The following CFAP58 variants were observed in gnomAD, a reference collection of about 807,000 sequenced individuals.
CFAP58 encodes the protein cilia- and flagella-associated protein 58.
CFAP58 carries 88 observed loss-of-function variants against 119.5 expected under a neutral mutation model. That is an observed-to-expected ratio of 0.74 (90% CI 0.62 to 0.88). The LOEUF (loss-of-function observed/expected upper bound fraction) is 0.88. Among genes scored for constraint, CFAP58 ranks in the 40% least tolerant of loss-of-function variants. CFAP58 has a pLI of 0.00. For synonymous variants in CFAP58, 365 were observed against 366.3 expected (o/e 1.00, Z 0.04); for missense variants, 990 against 1,021.2 (o/e 0.97, Z 0.42).
chr10:104,414,695 A>T (rs2012519198), intron 15 of CFAP58, among the ~76,000 whole-genome samples: 1 of 151,968 alleles, frequency 6.6e-6, no homozygotes, highest in Admixed American at 6.6e-5. Flanking sequence ...TTTGAGACGG[A>T]TTCTTGCTCT....
At position 104,454,659 on chromosome 10, in the gene CFAP58, C is replaced by G; in HGVS notation, c.*129C>G. ...ATCCAGGATGGAAAGAAATGCAGAA[C>G]TATCATAGTCACATACATATAAGAG... On this transcript the variant is annotated 3_prime_UTR_variant, in exon 18 of 18. Transcript: ENST00000369704. 1 of 679,840 alleles carries G rather than the reference C, an allele frequency of 1.5e-6. No homozygotes were observed. 42.1% of individuals were successfully genotyped at this position (679,840 alleles called of 1,614,324 possible). A position where few individuals can be genotyped will look rare whatever the true frequency, so the allele number is the denominator to read the frequency against.
chr10:104,357,794 T>TATACACACACATATACATATATGTAC (rs2014564106), intron 1 of CFAP58, among the ~76,000 whole-genome samples: 1 of 140,834 alleles, frequency 7.1e-6, no homozygotes, highest in African/African-American at 2.9e-5. Flanking sequence ...TTTATATACA[T>TATACACACACATATACATATATGTAC]ATATATACAC....
At chr10:104,393,555 C>CA in intron 11 of CFAP58, 80 bp downstream of exon 11, 1 of 1,409,472 alleles carries the variant, frequency 7.1e-7, no homozygotes, top group Non-Finnish European at 9.6e-7. Flanking sequence ...TGAAGGCAGC[C>CA]AGGGGCAGGG....
At chr10:104,348,977 T>C (rs1308430433), upstream of CFAP58, among the ~76,000 whole-genome samples, 2 of 152,342 alleles carry the variant, frequency 1.3e-5, no homozygotes, top group East Asian at 3.9e-4. Flanking sequence ...CCAGGTGTGG[T>C]GGCTCACACC....
chr10:104,380,742 A>T (rs2011774500), intron 9 of CFAP58, among the ~76,000 whole-genome samples: 1 of 152,232 alleles, frequency 6.6e-6, no homozygotes, highest in Non-Finnish European at 1.5e-5. Flanking sequence ...GAACTCCTGC[A>T]ATCTCAGCAC....
chr10:104,369,265 TA>T (rs1370402859), intron 6 of CFAP58, among the ~76,000 whole-genome samples: 1 of 152,164 alleles, frequency 6.6e-6, no homozygotes, highest in Non-Finnish European at 1.5e-5. Context: ...CAGAGAACCA[TA>T]ACATTTTTAT....
chr10:104,381,863 T>C (rs1195380373), intron 9 of CFAP58, among the ~76,000 whole-genome samples: 1 of 152,176 alleles, frequency 6.6e-6, no homozygotes, highest in Non-Finnish European at 1.5e-5. Flanking sequence ...TTGGGAGCCA[T>C]TGGAGCAGAG....
rs2014573341 is a variant in CFAP58, at chr10:104,357,845, G to GTACATATA, written c.10-492_10-491insTATATACA. Among the ~76,000 whole-genome samples the GTACATATA allele has an allele frequency of 1.6e-4, 15 of 91,502 alleles. 1 individual carries two copies. The highest frequency in any genetic ancestry group is 3.0e-4 in the Non-Finnish European group (14 of 47,242). The allele number at this position is 91,502 out of a possible 152,430, so 60.0% of individuals were successfully genotyped here. A position where few individuals can be genotyped will look rare whatever the true frequency, so the allele number is the denominator to read the frequency against. On this transcript the variant is annotated intron_variant, in intron 1 of 17. Transcript: ENST00000369704. Reference sequence around the variant, plus strand: ...TATATACACATATATGTACACATATGTACACATATATACACATATATACAC... The same window carrying GTACATATA: ...TATATACACATATATGTACACATATGTACATATATACACATATATACACATATATACAC...
the CFAP58 span, among the ~76,000 whole-genome samples, chr10:104,344,885 C>A: frequency 6.6e-6 from 1 of 152,006 alleles, no homozygotes; most frequent in Admixed American, 6.5e-5. Context: ...TGGTGGCTCA[C>A]GCCTGTAATC....
chr10:104,393,280 A>T (rs4614364), intron 10 of CFAP58, 49 bp from the exon 11 acceptor site: 4 of 1,553,424 alleles, frequency 2.6e-6, no homozygotes, highest in Non-Finnish European at 2.6e-6. Context: ...TTCCATAGGG[A>T]CGATGATGTC....
chr10:104,384,056 G>A (rs533111524), intron 9 of CFAP58, among the ~76,000 whole-genome samples: 296 of 152,208 alleles, frequency 1.9e-3, no homozygotes, highest in Non-Finnish European at 3.1e-3. Context: ...TCAGCCCCCC[G>A]AAAGGTTAAA....
chr10:104,423,073 G>C (rs1300280927), intron 15 of CFAP58, among the ~76,000 whole-genome samples: 1 of 152,018 alleles, frequency 6.6e-6, no homozygotes, highest in Non-Finnish European at 1.5e-5. Context: ...GCTACCCTTG[G>C]ATTTTATTGC....
chr10:104,376,986 G>C (rs373036978), intron 8 of CFAP58, 93 bp downstream of exon 8: 1 of 935,406 alleles, frequency 1.1e-6, no homozygotes, highest in East Asian at 2.6e-5. Flanking sequence ...AGAAAACTCC[G>C]AGGCAAACAA....
chr10:104,452,518 G>GCTCCCT (rs2013212549), intron 17 of CFAP58, among the ~76,000 whole-genome samples: 1 of 152,188 alleles, frequency 6.6e-6, no homozygotes, highest in South Asian at 2.1e-4. Context: ...TGCTAATCTT[G>GCTCCCT]CTCCCTCTCC....
Position 104,368,550 on chromosome 10 carries a change from T to C in CFAP58, c.920T>C (p.Leu307Ser). The change falls in exon 6 of 18, where the codon TTG becomes TCG. Residue 307 changes from leucine to serine, a missense_variant. Leu to Ser is a moderately radical substitution (Grantham distance 145). Transcript: ENST00000369704. Reference sequence around the variant, plus strand: ...TCCCAGGAAAACCAACAGAAGGCGTTGGAGCTCAAAGTAAACACCAAGTTA... The same window carrying C: ...TCCCAGGAAAACCAACAGAAGGCGTCGGAGCTCAAAGTAAACACCAAGTTA... ...QLSQENQQKA[L>S]ELKAKEEEVH... 1 of 1,613,902 alleles carries C rather than the reference T, an allele frequency of 6.2e-7. No homozygotes were observed. Among genetic ancestry groups the C allele is most frequent in the Non-Finnish European group, 8.5e-7 (1 of 1,179,820 alleles).
chr10:104,406,181 C>T (rs1488739615), intron 14 of CFAP58, among the ~76,000 whole-genome samples: 1 of 152,222 alleles, frequency 6.6e-6, no homozygotes, highest in Admixed American at 6.5e-5. Flanking sequence ...GAATTGAGAA[C>T]TATGCCTTTG....
In CFAP58 at chr10:104,435,576, C is replaced by T. The variant is rs75666584; in HGVS notation, c.2257-12122C>T. On this transcript the variant is annotated intron_variant, in intron 15 of 17. Transcript: ENST00000369704. ...CATTTGATGGCATCAAACACACTCA[C>T]ATTTGCCTCCTCTCTCATCTTTTCG... Among the ~76,000 whole-genome samples the T allele has an allele frequency of 6.9e-3, 1,046 of 152,332 alleles. 13 individuals are homozygous for T. Among genetic ancestry groups the T allele is most frequent in the African/African-American group, 0.022 (922 of 41,570 alleles).
At chr10:104,420,790 G>A (rs367672738) in intron 15 of CFAP58, among the ~76,000 whole-genome samples, 10 of 139,112 alleles carry the variant, frequency 7.2e-5, no homozygotes, top group East Asian at 2.1e-4. Flanking sequence ...TCTCACTCTG[G>A]TGTTCAGGCT....
chr10:104,357,987 A>G lies in CFAP58; in HGVS notation c.10-354A>G, dbSNP rs550154365. Among the ~76,000 whole-genome samples, 12 of 143,812 alleles carry G rather than the reference A, an allele frequency of 8.3e-5. No individual in the cohort carries two copies. In the South Asian group the frequency reaches 8.5e-4, roughly 10 times the overall value. 94.3% of individuals were successfully genotyped at this position (143,812 alleles called of 152,430 possible). A position where few individuals can be genotyped will look rare whatever the true frequency, so the allele number is the denominator to read the frequency against. ...TATGTACACATATGTACATATGTAC[A>G]CATATATGTACACATATATACACAT... On this transcript the variant is annotated intron_variant, in intron 1 of 17. Coordinates refer to ENST00000369704, the MANE Select transcript of CFAP58 (RefSeq NM_001008723.2).
Sources: gnomAD v4.1 joint callset for allele counts (sites outside exome capture counted in the v4.1 genomes callset) on GRCh38, gnomAD v4.1.1 for gene constraint, MANE v1.5 for transcripts, NCBI Gene and HGNC (gene_info 2026-07-23, HGNC 2026-07-21) for gene names.